Variants in CADM1 observed in about 807,000 individuals in gnomAD.
CADM1 encodes the protein TSLC-1.
Under a neutral mutation model 53.1 loss-of-function variants are expected in CADM1, and 15 were observed. That is an observed-to-expected ratio of 0.28 (90% CI 0.19 to 0.44). The LOEUF is 0.44. Ranked by LOEUF, CADM1 falls within the 20% of genes least tolerant of loss-of-function variation. CADM1 has a pLI of 1.00. For synonymous variants in CADM1, 281 were observed against 243.0 expected (o/e 1.16, Z -1.45); for missense variants, 434 against 611.3 (o/e 0.71, Z 3.06).
intron 9 of CADM1, among the ~76,000 whole-genome samples, chr11:115,194,746 AG>A (rs1940067403): frequency 6.6e-6 from 1 of 152,122 alleles, no homozygotes; most frequent in Non-Finnish European, 1.5e-5. Context: ...GTGCAGCAAA[AG>A]CACAAGCACT....
intron 1 of CADM1, among the ~76,000 whole-genome samples, chr11:115,281,756 A>G (rs1259362085): frequency 1.3e-5 from 2 of 152,242 alleles, no homozygotes; most frequent in Non-Finnish European, 2.9e-5. Flanking sequence ...GCAGTTTTCA[A>G]TGAAAAAAAG....
chr11:115,474,500 A>G (rs1949085565), intron 1 of CADM1, among the ~76,000 whole-genome samples: 1 of 151,796 alleles, frequency 6.6e-6, no homozygotes, highest in Non-Finnish European at 1.5e-5. Flanking sequence ...CATATACACC[A>G]TGGAATACTA....
chr11:115,423,176 T>C (rs1170388199), intron 1 of CADM1, among the ~76,000 whole-genome samples: 1 of 152,164 alleles, frequency 6.6e-6, no homozygotes, highest in Non-Finnish European at 1.5e-5. Flanking sequence ...AGGACAATTG[T>C]AATGTTAGTT....
chr11:115,339,335 T>C (rs1945359456), intron 1 of CADM1, among the ~76,000 whole-genome samples: 2 of 152,142 alleles, frequency 1.3e-5, no homozygotes, highest in Admixed American at 6.5e-5. Context: ...CACACGTATG[T>C]TTATTGCAGC....
rs559412847 is a variant in CADM1 at position 115,372,373 on chromosome 11, CTTTT to C, written c.124+131894_124+131897del. On this transcript the variant is annotated intron_variant, in intron 1 of 11. Transcript: ENST00000331581. Reference sequence around the variant, plus strand: ...TTTTGGAAGCAACTTTGAATTCTTTCTTTTTAAGAGTGTGCTTTATAACAGAAAA... The same window carrying C: ...TTTTGGAAGCAACTTTGAATTCTTTCTAAGAGTGTGCTTTATAACAGAAAA... Among the ~76,000 whole-genome samples, 25 of 152,122 alleles carry C rather than the reference CTTTT, an allele frequency of 1.6e-4. No individual in the cohort carries two copies. In the South Asian group the frequency reaches 4.2e-3, roughly 25 times the overall value.
rs1196911682 is a variant in CADM1, at chr11:115,364,555, A to AG, written c.125-124136dup. On this transcript the variant is annotated intron_variant, in intron 1 of 11. Transcript: ENST00000331581. ...TGGGGGAAAATATAAAGCACTAGGA[A>AG]GAAAAAAAAAAGCCTTTTTGTTTAA... Among the ~76,000 whole-genome samples, 3 of 10,818 alleles carry AG rather than the reference A, an allele frequency of 2.8e-4. No homozygotes were observed. The Admixed American group carries it at 3.6e-3, about 13-fold the overall frequency. 7.1% of individuals were successfully genotyped at this position (10,818 alleles called of 152,430 possible). A position where few individuals can be genotyped will look rare whatever the true frequency, so the allele number is the denominator to read the frequency against.
At chr11:115,414,267 T>A (rs1245331134) in intron 1 of CADM1, among the ~76,000 whole-genome samples, 3 of 152,100 alleles carry the variant, frequency 2.0e-5, no homozygotes, top group Non-Finnish European at 2.9e-5. Context: ...AACATCAATA[T>A]GATATTTTTA....
At chr11:115,246,369 A>G (rs901088387) in intron 1 of CADM1, among the ~76,000 whole-genome samples, 3 of 152,250 alleles carry the variant, frequency 2.0e-5, no homozygotes, top group Non-Finnish European at 2.9e-5. Flanking sequence ...TGCCAACCAT[A>G]CAGTTCACAG....
intron 1 of CADM1, among the ~76,000 whole-genome samples, chr11:115,383,178 C>T (rs1342528269): frequency 6.6e-6 from 1 of 152,118 alleles, no homozygotes; most frequent in Non-Finnish European, 1.5e-5. Flanking sequence ...TTTATCTGTA[C>T]ATAGTATTAG....
Position 115,231,477 on chromosome 11 carries a change from A to G in CADM1, c.438T>C (p.Asn146=), listed in dbSNP as rs1433093286. The change falls in exon 4 of 12, where the codon AAT becomes AAC. Residue 146 remains asparagine (N), a synonymous_variant. Coordinates refer to ENST00000331581, the MANE Select transcript of CADM1 (RefSeq NM_001301043.2). The part of the protein sequence containing the change: ...TTITVLVPPR[N]LMIDIQKDTA... ...TGTCTTTCTGGATATCGATCATCAG[A>G]TTACGTGGTGGGACTACAAATTAAA... 1 of 1,614,056 alleles carries G rather than the reference A, an allele frequency of 6.2e-7. No individual in the cohort carries two copies. The highest frequency in any genetic ancestry group is 2.2e-5 in the East Asian group (1 of 44,872).
At chr11:115,245,133 AG>A (rs1262842564) in intron 1 of CADM1, among the ~76,000 whole-genome samples, 5 of 152,230 alleles carry the variant, frequency 3.3e-5, no homozygotes, top group African/African-American at 1.2e-4. Flanking sequence ...GACTCTTCAC[AG>A]GGAAGACAGT....
chr11:115,483,335 C>G (rs1440074600), intron 1 of CADM1, among the ~76,000 whole-genome samples: 2 of 152,174 alleles, frequency 1.3e-5, no homozygotes, highest in African/African-American at 4.8e-5. Context: ...ACATTTCACT[C>G]ACTTTCAGCA....
At position 115,302,083 on chromosome 11, in the gene CADM1, C is replaced by T. The variant is rs77184078; in HGVS notation, c.125-61663G>A. On this transcript the variant is annotated intron_variant, in intron 1 of 11. Transcript: ENST00000331581. Reference sequence around the variant, plus strand: ...AACACATTACCACGGTGCCTAGTACCTAATTTGAAAATGTTCATTACTACA... The same window carrying T: ...AACACATTACCACGGTGCCTAGTACTTAATTTGAAAATGTTCATTACTACA... Among the ~76,000 whole-genome samples the T allele has an allele frequency of 9.1e-4, 138 of 151,878 alleles. 2 individuals are homozygous for T. The East Asian group carries it at 0.024, about 26-fold the overall frequency.
chr11:115,478,994 G>A (rs919136214), intron 1 of CADM1, among the ~76,000 whole-genome samples: 3 of 151,970 alleles, frequency 2.0e-5, no homozygotes, highest in Non-Finnish European at 2.9e-5. Flanking sequence ...ATCTTTCTAC[G>A]TATATATTTG....
intron 1 of CADM1, among the ~76,000 whole-genome samples, chr11:115,440,968 C>T (rs1241381552): frequency 2.6e-5 from 4 of 151,844 alleles, no homozygotes; most frequent in Non-Finnish European, 5.9e-5. Context: ...TGTGTGGAGA[C>T]GGGACCTCAT....
intron 1 of CADM1, among the ~76,000 whole-genome samples, chr11:115,308,103 T>C (rs2135153243): frequency 6.6e-6 from 1 of 150,910 alleles, no homozygotes; most frequent in East Asian, 2.0e-4. Flanking sequence ...CTACATGAAC[T>C]CCTAAAATGA....
rs150835763 is a variant in CADM1, at chr11:115,273,940, C to T, written c.125-33520G>A. On this transcript the variant is annotated intron_variant, in intron 1 of 11. Transcript: ENST00000331581. The stretch of plus-strand genomic sequence containing the variant: ...ACATACTAGAGTGTTGGTCTTCATA[C>T]CCATTAAATAGAAGTTGTGTTCTCT... 3.3e-3 allele frequency among the ~76,000 whole-genome samples: 503 copies of T among 152,260 alleles called. 1 individual carries two copies. The highest frequency in any genetic ancestry group is 5.7e-3 in the Non-Finnish European group (387 of 68,024).
intron 1 of CADM1, among the ~76,000 whole-genome samples, chr11:115,361,162 C>G (rs1591746330): frequency 6.6e-6 from 1 of 152,236 alleles, no homozygotes; most frequent in East Asian, 1.9e-4. Context: ...GCAAAACAAC[C>G]ACTCAGACAA....
chr11:115,262,258 G>T (rs1028575240), intron 1 of CADM1, among the ~76,000 whole-genome samples: 1 of 151,778 alleles, frequency 6.6e-6, no homozygotes. Flanking sequence ...GGATTTTATG[G>T]ATACATATAA....
Sources: allele counts gnomAD v4.1 joint callset (sites outside exome capture counted in the v4.1 genomes callset), GRCh38; gene constraint gnomAD v4.1.1; transcripts MANE v1.5; gene names NCBI Gene and HGNC (gene_info 2026-07-23, HGNC 2026-07-21).